The following RGSL1 variants were observed in gnomAD, a reference collection of about 807,000 sequenced individuals.
The protein encoded by RGSL1 is regulator of G protein signaling like 1, also known as regulator of G protein signaling protein-like.
A neutral mutation model predicts 124.7 loss-of-function variants in RGSL1; 97 were observed. The ratio of observed to expected loss-of-function variants is 0.78; its 90% CI spans 0.66 to 0.92. RGSL1 has a LOEUF of 0.92. Ranked by LOEUF, RGSL1 falls within the 40% of genes least tolerant of loss-of-function variation. The probability of loss-of-function intolerance (pLI) is 0.00; values close to 1 mark genes in which losing one functional copy is unlikely to be tolerated. For synonymous variants in RGSL1, 424 were observed against 438.1 expected (o/e 0.97, Z 0.40); for missense variants, 1,233 against 1,288.4 (o/e 0.96, Z 0.66).
At chr1:182,498,825 T>C (rs1656135528) in intron 9 of RGSL1, among the ~76,000 whole-genome samples, 1 of 149,864 alleles carries the variant, frequency 6.7e-6, no homozygotes, top group Non-Finnish European at 1.5e-5. Context: ...AGAGTCTTGC[T>C]CTTGTTGCCC....
intron 2 of RGSL1, 86 bp from the exon 3 acceptor site, chr1:182,458,233 C>A (rs1652509992): frequency 2.1e-6 from 2 of 937,664 alleles, no homozygotes. Context: ...ATGGAACCTC[C>A]CTTCCTCTGT....
At chr1:182,477,505 C>T (rs1195817893) in intron 6 of RGSL1, among the ~76,000 whole-genome samples, 2 of 152,170 alleles carry the variant, frequency 1.3e-5, no homozygotes, top group African/African-American at 4.8e-5. Context: ...TGACCCCAGT[C>T]CTGATGACAG....
chr1:182,496,473 T>C (rs1207446101), intron 9 of RGSL1, among the ~76,000 whole-genome samples: 1 of 152,210 alleles, frequency 6.6e-6, no homozygotes, highest in Non-Finnish European at 1.5e-5. Flanking sequence ...TTGAAGTATT[T>C]TGTGAACAGT....
intron 4 of RGSL1, among the ~76,000 whole-genome samples, chr1:182,460,971 A>G (rs1020636561): frequency 1.3e-5 from 2 of 152,184 alleles, no homozygotes; most frequent in Admixed American, 6.5e-5. Flanking sequence ...TCTTCCAAAT[A>G]TTAAGGATCT....
intron 6 of RGSL1, among the ~76,000 whole-genome samples, chr1:182,484,633 C>T (rs1654959211): frequency 6.6e-6 from 1 of 152,188 alleles, no homozygotes; most frequent in East Asian, 1.9e-4. Context: ...GCACTGTTTC[C>T]TCAGGAGGCA....
chr1:182,548,402 A>G lies in RGSL1; in HGVS notation c.2755A>G (p.Met919Val), dbSNP rs1660353191. Reference protein sequence around the residue: ...ENDVILMRSKMNIIQKLFLNS... With the variant: ...ENDVILMRSKVNIIQKLFLNS... ...TGATGTGATCCTAATGCGGTCCAAA[A>G]TGAACATTATCCAAAAACTCTTCCT... Residue 919 changes from methionine (M) to valine (V), a missense_variant, in exon 16 of 22, where the codon ATG becomes GTG. By Grantham distance (21) the Met-to-Val change is conservative. Transcript: ENST00000294854. 6.4e-7 allele frequency: 1 copy of G among 1,551,636 alleles called. No individual in the cohort carries two copies. Among genetic ancestry groups the G allele is most frequent in the African/African-American group, 1.4e-5 (1 of 72,994 alleles).
intron 9 of RGSL1, among the ~76,000 whole-genome samples, chr1:182,511,196 G>C (rs1404835326): frequency 2.0e-5 from 3 of 152,002 alleles, no homozygotes; most frequent in African/African-American, 7.3e-5. Flanking sequence ...ATAGAGATTT[G>C]CTCTCGTTGC....
chr1:182,461,331 A>G (rs911508735), intron 4 of RGSL1, among the ~76,000 whole-genome samples: 1 of 151,940 alleles, frequency 6.6e-6, no homozygotes, highest in Non-Finnish European at 1.5e-5. Flanking sequence ...AATAATAATA[A>G]TAACAACTAA....
At chr1:182,506,979 CTT>C (rs1298087283) in intron 9 of RGSL1, among the ~76,000 whole-genome samples, 7 of 117,200 alleles carry the variant, frequency 6.0e-5, no homozygotes, top group African/African-American at 2.3e-4. Flanking sequence ...CCCTGCTCAC[CTT>C]TCTTTTTTTT....
In RGSL1 at chr1:182,522,062, GT is replaced by G. The variant is rs2102237686; in HGVS notation, c.1885del (p.Ser629ProfsTer8). On this transcript the variant is annotated frameshift_variant, in exon 10 of 22. Coordinates refer to ENST00000294854, the MANE Select transcript of RGSL1 (RefSeq NM_001137669.2). LOFTEE classifies it high-confidence loss of function. ...CAGTTTCACGCTCAAATAGGAAAAT[GT>G]CCTTGCTCAAAAGAACTCTTGTAAG... The part of the protein sequence containing the change: ...KTVSRSNRKM[S>X]LLKRTLVRKP... The G allele has an allele frequency of 1.3e-6, 2 of 1,549,700 alleles. No homozygotes were observed. Among genetic ancestry groups the G allele is most frequent in the East Asian group, 4.9e-5 (2 of 40,828 alleles).
At chr1:182,481,268 A>G (rs1654687168) in intron 6 of RGSL1, among the ~76,000 whole-genome samples, 1 of 152,164 alleles carries the variant, frequency 6.6e-6, no homozygotes, top group Non-Finnish European at 1.5e-5. Flanking sequence ...AAAAGATGTT[A>G]CAATTTATTC....
At chr1:182,519,593 A>T (rs1180366458) in intron 9 of RGSL1, among the ~76,000 whole-genome samples, 1 of 152,004 alleles carries the variant, frequency 6.6e-6, no homozygotes, top group Non-Finnish European at 1.5e-5. Flanking sequence ...TAGCTTCAGA[A>T]CTTCCGGACT....
chr1:182,551,053 C>A (rs1405709058), intron 17 of RGSL1, 47 bp from the exon 18 acceptor site: 1 of 1,341,116 alleles, frequency 7.5e-7, no homozygotes, highest in South Asian at 1.3e-5. Context: ...CTCCAGCCCC[C>A]TCCACTGGGG....
At chr1:182,469,996 G>C (rs913644467) in intron 4 of RGSL1, among the ~76,000 whole-genome samples, 13 of 152,210 alleles carry the variant, frequency 8.5e-5, no homozygotes, top group African/African-American at 3.1e-4. Flanking sequence ...GTTGTCAGGA[G>C]CTGGGAGGAG....
chr1:182,463,055 A>C (rs1488246839), intron 4 of RGSL1, among the ~76,000 whole-genome samples: 1 of 152,138 alleles, frequency 6.6e-6, no homozygotes, highest in Non-Finnish European at 1.5e-5. Flanking sequence ...GAACTTTGGA[A>C]GGCTGAGACG....
At chr1:182,501,761 A>G (rs1247034284) in intron 9 of RGSL1, among the ~76,000 whole-genome samples, 1 of 152,094 alleles carries the variant, frequency 6.6e-6, no homozygotes, top group Non-Finnish European at 1.5e-5. Context: ...GATCATGCTG[A>G]CCTCAGAATG....
rs955769669 is a variant in RGSL1 at position 182,457,535 on chromosome 1, T to C, written c.97-784T>C. On this transcript the variant is annotated intron_variant, in intron 2 of 21. Transcript: ENST00000294854. ...GCCAGTGACAAGGGACAAATGGGATTGAGGGAAGAGGGCCATAGACTAACA... is the reference window on the plus strand; with the variant it reads ...GCCAGTGACAAGGGACAAATGGGATCGAGGGAAGAGGGCCATAGACTAACA... 5.9e-5 allele frequency among the ~76,000 whole-genome samples: 9 copies of C among 152,290 alleles called. 1 individual carries two copies. The highest frequency in any genetic ancestry group is 1.9e-4 in the East Asian group (1 of 5,178).
intron 9 of RGSL1, among the ~76,000 whole-genome samples, chr1:182,504,936 G>A (rs890532936): frequency 1.3e-5 from 2 of 152,056 alleles, no homozygotes; most frequent in African/African-American, 4.8e-5. Context: ...AAAGTTTTGG[G>A]TCTTCTAATG....
At chr1:182,456,441 C>T (rs1000993737) in intron 2 of RGSL1, among the ~76,000 whole-genome samples, 5 of 152,080 alleles carry the variant, frequency 3.3e-5, no homozygotes, top group African/African-American at 7.2e-5. Context: ...GGACTACAGG[C>T]GTGCACCACC....
Sources: allele counts gnomAD v4.1 joint callset (sites outside exome capture counted in the v4.1 genomes callset), GRCh38; gene constraint gnomAD v4.1.1; transcripts MANE v1.5; gene names NCBI Gene and HGNC (gene_info 2026-07-23, HGNC 2026-07-21).